Variants in NCKAP5 observed in about 807,000 individuals in gnomAD.
NCKAP5 encodes nck-associated protein 5.
NCKAP5 carries 92 observed loss-of-function variants against 167.0 expected under a neutral mutation model. The observed-to-expected ratio is 0.55, with a 90% CI of 0.47 to 0.66. The LOEUF (loss-of-function observed/expected upper bound fraction) is 0.66, where lower values mean the gene tolerates loss of function less well. Ranked by LOEUF, NCKAP5 falls within the 30% of genes least tolerant of loss-of-function variation. NCKAP5 has a pLI of 0.00. For synonymous variants in NCKAP5, 891 were observed against 877.4 expected (o/e 1.02, Z -0.27); for missense variants, 2,378 against 2,315.0 (o/e 1.03, Z -0.56).
chr2:133,199,424 T>C (rs927499938), intron 5 of NCKAP5, among the ~76,000 whole-genome samples: 2 of 152,018 alleles, frequency 1.3e-5, no homozygotes, highest in African/African-American at 4.8e-5. Context: ...CTCCCTCAAA[T>C]AGGCAAAATA....
the NCKAP5 span, among the ~76,000 whole-genome samples, chr2:133,635,754 T>C: frequency 1.3e-5 from 2 of 152,184 alleles, no homozygotes; most frequent in Non-Finnish European, 2.9e-5. Flanking sequence ...AAAAATAGTT[T>C]GGATGTAAAA....
intron 5 of NCKAP5, among the ~76,000 whole-genome samples, chr2:133,171,674 A>G (rs6749758): frequency 0.14 from 21,493 of 152,238 alleles, 1,697 homozygotes; most frequent in East Asian, 0.39. Flanking sequence ...TTCCTCTCCC[A>G]GCTCCAGAAA....
chr2:133,323,926 G>A (rs983730483), intron 3 of NCKAP5, among the ~76,000 whole-genome samples: 1 of 152,178 alleles, frequency 6.6e-6, no homozygotes, highest in Admixed American at 6.6e-5. Flanking sequence ...CCTGGCATCA[G>A]CAATTTGGTG....
intron 6 of NCKAP5, among the ~76,000 whole-genome samples, chr2:133,036,360 C>A (rs1479946342): frequency 6.6e-6 from 1 of 151,794 alleles, no homozygotes; most frequent in Non-Finnish European, 1.5e-5. Flanking sequence ...ACCAGAGAAA[C>A]ACACATCAAA....
chr2:133,185,508 T>C (rs1574306755), intron 5 of NCKAP5, among the ~76,000 whole-genome samples: 1 of 152,018 alleles, frequency 6.6e-6, no homozygotes, highest in Non-Finnish European at 1.5e-5. Context: ...AAAAATGACA[T>C]TAGTATTTTG....
chr2:133,073,179 G>T (rs1020641763), intron 6 of NCKAP5, among the ~76,000 whole-genome samples: 1 of 152,030 alleles, frequency 6.6e-6, no homozygotes, highest in Non-Finnish European at 1.5e-5. Context: ...AATACTTTTT[G>T]GCTAAAAGAA....
At chr2:133,146,225 G>C (rs182537876) in intron 5 of NCKAP5, among the ~76,000 whole-genome samples, 6 of 147,202 alleles carry the variant, frequency 4.1e-5, no homozygotes, top group African/African-American at 1.5e-4. Context: ...GCAACATCTA[G>C]ATAAAATGCA....
chr2:132,815,022 T>C (rs1354385755), intron 11 of NCKAP5, among the ~76,000 whole-genome samples: 2 of 152,220 alleles, frequency 1.3e-5, no homozygotes, highest in African/African-American at 2.4e-5. Context: ...ATTAAGCAGA[T>C]ATTCAATGCA....
upstream of NCKAP5, among the ~76,000 whole-genome samples, chr2:133,569,004 A>G (rs1688748315): frequency 1.3e-5 from 2 of 152,166 alleles, 1 homozygote; most frequent in South Asian, 4.1e-4. Flanking sequence ...TTTTGTGTGC[A>G]TTTGCAAATA....
rs531698997 is a variant in NCKAP5 at position 132,962,381 on chromosome 2, T to A, written c.579+1339A>T. Among the ~76,000 whole-genome samples the A allele has an allele frequency of 1.4e-3, 216 of 152,212 alleles. 2 individuals are homozygous for A. The highest frequency in any genetic ancestry group is 2.6e-3 in the Non-Finnish European group (177 of 68,038). On this transcript the variant is annotated intron_variant, in intron 8 of 19. Coordinates refer to ENST00000409261, the MANE Select transcript of NCKAP5 (RefSeq NM_207363.3). ...GAGGCATGGGGAGCCTAAGTAACTT[T>A]GATGGTTTCAAATCTAGAAAGTAGT...
chr2:133,357,159 G>T (rs960189477), intron 3 of NCKAP5, among the ~76,000 whole-genome samples: 1 of 152,038 alleles, frequency 6.6e-6, no homozygotes, highest in Non-Finnish European at 1.5e-5. Context: ...AAAAATATTT[G>T]ATGGATCATG....
chr2:133,048,859 T>G (rs4954023), intron 6 of NCKAP5, among the ~76,000 whole-genome samples: 11,037 of 152,218 alleles, frequency 0.073, 757 homozygotes, highest in East Asian at 0.37. Context: ...ACACTCACAG[T>G]GACTAACAAT....
At chr2:132,683,911 C>T (rs1685597884) in intron 19 of NCKAP5, among the ~76,000 whole-genome samples, 1 of 152,158 alleles carries the variant, frequency 6.6e-6, no homozygotes, top group African/African-American at 2.4e-5. Flanking sequence ...CTGGATGTAT[C>T]AAACCAAGAA....
chr2:133,340,672 C>A (rs775356403), intron 3 of NCKAP5, among the ~76,000 whole-genome samples: 37 of 152,102 alleles, frequency 2.4e-4, no homozygotes, highest in Admixed American at 9.8e-4. Context: ...TAACAATAAT[C>A]CTTGATGCAC....
chr2:133,112,619 C>CTAACATTGGATA (rs1304616443), intron 6 of NCKAP5, among the ~76,000 whole-genome samples: 1 of 152,224 alleles, frequency 6.6e-6, no homozygotes, highest in Non-Finnish European at 1.5e-5. Context: ...TTAGGAGCTA[C>CTAACATTGGATA]ACTTCCAATG....
chr2:133,423,633 A>G lies in NCKAP5; in HGVS notation c.69+93825T>C, dbSNP rs1011247434. Among the ~76,000 whole-genome samples, 26 of 152,208 alleles carry G rather than the reference A, an allele frequency of 1.7e-4. 1 individual carries two copies. Among genetic ancestry groups the G allele is most frequent in the Admixed American group, 1.3e-4 (2 of 15,284 alleles). On this transcript the variant is annotated intron_variant, in intron 3 of 19. Transcript: ENST00000409261. Reference sequence around the variant, plus strand: ...TATCTTGCAATCCCACTAGAAGGACAAGGTGCTATGTGACCTTTAGTTGGT... The same window carrying G: ...TATCTTGCAATCCCACTAGAAGGACGAGGTGCTATGTGACCTTTAGTTGGT...
At chr2:133,009,366 G>T (rs908255862) in intron 6 of NCKAP5, among the ~76,000 whole-genome samples, 1 of 151,914 alleles carries the variant, frequency 6.6e-6, no homozygotes, top group African/African-American at 2.4e-5. Context: ...TACCCACATC[G>T]CACAGTTGGT....
At chr2:132,822,092 GA>G (rs2105324802) in intron 11 of NCKAP5, among the ~76,000 whole-genome samples, 1 of 152,308 alleles carries the variant, frequency 6.6e-6, no homozygotes, top group South Asian at 2.1e-4. Flanking sequence ...CTCCTGGCTG[GA>G]GGCCAACAAA....
chr2:133,647,708 A>AG, the NCKAP5 span, among the ~76,000 whole-genome samples: 2 of 48,456 alleles, frequency 4.1e-5, no homozygotes, highest in African/African-American at 1.0e-4. Flanking sequence ...GAAGGAAAGA[A>AG]AAAGAAAGGA....
Sources: gnomAD v4.1 joint callset for allele counts (sites outside exome capture counted in the v4.1 genomes callset) on GRCh38, gnomAD v4.1.1 for gene constraint, MANE v1.5 for transcripts, NCBI Gene and HGNC (gene_info 2026-07-23, HGNC 2026-07-21) for gene names.